CSMD1: variants seen among roughly 807,000 people sequenced by gnomAD.
The protein encoded by CSMD1 is CUB and Sushi multiple domains 1, also known as CUB and sushi domain-containing protein 1.
A neutral mutation model predicts 417.5 loss-of-function variants in CSMD1; 213 were observed. That is an observed-to-expected ratio of 0.51 (90% CI 0.46 to 0.57). The LOEUF is 0.57. Ranked by LOEUF, CSMD1 falls within the 20% of genes least tolerant of loss-of-function variation. CSMD1 has a pLI of 0.00. For missense variants in CSMD1, 6,923 were observed against 4,529.7 expected, an observed-to-expected ratio of 1.53 and a Z score of -15.17; for synonymous variants, 2,862 against 1,736.8, an observed-to-expected ratio of 1.65 and a Z score of -16.11.
intron 1 of CSMD1, among the ~76,000 whole-genome samples, chr8:4,773,201 G>A (rs1227020038): frequency 6.6e-6 from 1 of 151,984 alleles, no homozygotes; most frequent in African/African-American, 2.4e-5. Context: ...CCTTTCCTTT[G>A]AATGACATGT....
chr8:3,377,698 C>A (rs932528741), intron 18 of CSMD1, among the ~76,000 whole-genome samples: 1 of 152,106 alleles, frequency 6.6e-6, no homozygotes, highest in Non-Finnish European at 1.5e-5. Context: ...TGCTCATATC[C>A]TGGGATGCCT....
chr8:4,080,480 C>A (rs948187099), intron 3 of CSMD1, among the ~76,000 whole-genome samples: 2 of 152,184 alleles, frequency 1.3e-5, no homozygotes, highest in Admixed American at 1.3e-4. Flanking sequence ...ATTAAGCTCT[C>A]TGGGTTCCAA....
chr8:3,522,682 G>A (rs1021394374), intron 10 of CSMD1, among the ~76,000 whole-genome samples: 54 of 152,160 alleles, frequency 3.5e-4, no homozygotes, highest in African/African-American at 1.3e-3. Flanking sequence ...GTGAGGAGTA[G>A]ATCAGTCGTC....
At chr8:3,427,653 T>C (rs901227475) in intron 12 of CSMD1, among the ~76,000 whole-genome samples, 1 of 152,192 alleles carries the variant, frequency 6.6e-6, no homozygotes, top group Non-Finnish European at 1.5e-5. Context: ...AAAATAATGA[T>C]ATTTATTAAA....
chr8:4,615,572 A>G lies in CSMD1; in HGVS notation c.302+21770T>C, dbSNP rs190031328. ...GTGAGGGCCAATAGGTTTTCATACT[A>G]TGAGGATAAACACTTCATTCAAAGC... On this transcript the variant is annotated intron_variant, in intron 2 of 69. Coordinates refer to ENST00000635120, the MANE Select transcript of CSMD1 (RefSeq NM_033225.6). Among the ~76,000 whole-genome samples, 55 of 152,352 alleles carry G rather than the reference A, an allele frequency of 3.6e-4. 1 individual carries two copies. In the East Asian group the frequency reaches 9.8e-3, roughly 27 times the overall value.
intron 1 of CSMD1, among the ~76,000 whole-genome samples, chr8:4,784,982 A>G (rs1375991173): frequency 6.6e-6 from 1 of 152,202 alleles, no homozygotes; most frequent in Non-Finnish European, 1.5e-5. Flanking sequence ...ACTAAAATGG[A>G]AGTCCTCAAG....
chr8:4,034,420 T>G (rs1048522313), intron 3 of CSMD1, among the ~76,000 whole-genome samples: 2 of 152,230 alleles, frequency 1.3e-5, no homozygotes, highest in African/African-American at 4.8e-5. Context: ...AGTTCACTAT[T>G]GTCTGCAATC....
chr8:4,111,271 A>G (rs924310516), intron 3 of CSMD1, among the ~76,000 whole-genome samples: 5 of 152,186 alleles, frequency 3.3e-5, no homozygotes, highest in Non-Finnish European at 7.3e-5. Context: ...TGTTTTAGAT[A>G]TAGATCAGTG....
At chr8:4,335,328 T>G (rs535980514) in intron 3 of CSMD1, among the ~76,000 whole-genome samples, 1 of 152,254 alleles carries the variant, frequency 6.6e-6, no homozygotes, top group Non-Finnish European at 1.5e-5. Flanking sequence ...AACCTCGGAC[T>G]TTTGTGGGGA....
At chr8:4,330,999 G>C (rs933197650) in intron 3 of CSMD1, among the ~76,000 whole-genome samples, 11 of 152,070 alleles carry the variant, frequency 7.2e-5, no homozygotes, top group Non-Finnish European at 1.5e-4. Context: ...TTGTGTTACT[G>C]TGCCGTAAGT....
At chr8:3,996,201 A>T (rs1419260487) in intron 5 of CSMD1, among the ~76,000 whole-genome samples, 1 of 152,240 alleles carries the variant, frequency 6.6e-6, no homozygotes, top group Middle Eastern at 3.4e-3. Context: ...CTCTCTCCCA[A>T]CCTGACATCT....
rs138795744 is a variant in CSMD1, at chr8:4,208,331, G to C, written c.416-176232C>G. Among the ~76,000 whole-genome samples the C allele has an allele frequency of 1.1e-3, 167 of 152,244 alleles. 4 individuals carry two copies. The East Asian group carries it at 0.029, about 27-fold the overall frequency. On this transcript the variant is annotated intron_variant, in intron 3 of 69. Coordinates refer to ENST00000635120, the MANE Select transcript of CSMD1 (RefSeq NM_033225.6). ...TGGAGAAGAAATAAAAGCAAATCAGGTCTTATTTGAATCCTTCCTGGAGTA... is the reference window on the plus strand; with the variant it reads ...TGGAGAAGAAATAAAAGCAAATCAGCTCTTATTTGAATCCTTCCTGGAGTA...
intron 1 of CSMD1, among the ~76,000 whole-genome samples, chr8:4,898,516 C>G (rs938433126): frequency 4.6e-5 from 7 of 152,128 alleles, no homozygotes; most frequent in African/African-American, 1.7e-4. Flanking sequence ...TACAGAAGGA[C>G]AATAAAACAG....
chr8:3,435,549 T>G (rs1298846672), intron 12 of CSMD1, among the ~76,000 whole-genome samples: 3 of 152,144 alleles, frequency 2.0e-5, no homozygotes, highest in African/African-American at 7.2e-5. Flanking sequence ...TCCGCCTGCA[T>G]GGAGACTTCG....
intron 2 of CSMD1, among the ~76,000 whole-genome samples, chr8:4,602,737 A>G (rs1256711395): frequency 6.6e-6 from 1 of 152,164 alleles, no homozygotes; most frequent in East Asian, 1.9e-4. Context: ...ACCAGCATCT[A>G]CAGATAACTA....
chr8:3,587,011 G>A (rs1800631940), intron 8 of CSMD1, among the ~76,000 whole-genome samples: 1 of 152,114 alleles, frequency 6.6e-6, no homozygotes, highest in African/African-American at 2.4e-5. Flanking sequence ...TGTTCGCCAG[G>A]CTGGTCTTCA....
chr8:3,429,224 A>G (rs1021522445), intron 12 of CSMD1, among the ~76,000 whole-genome samples: 2 of 152,230 alleles, frequency 1.3e-5, no homozygotes, highest in African/African-American at 4.8e-5. Flanking sequence ...AACGTTGGAG[A>G]TGATGCAAAT....
chr8:4,138,464 A>G lies in CSMD1; in HGVS notation c.416-106365T>C, dbSNP rs538257583. 4.4e-4 allele frequency among the ~76,000 whole-genome samples: 67 copies of G among 152,170 alleles called. No homozygotes were observed. In the South Asian group the frequency reaches 5.6e-3, roughly 13 times the overall value. ...CAAAAAAACACAGAACGCAGGAGGA[A>G]ATGCCTACAAGTGCCTTCATTCCAT... On this transcript the variant is annotated intron_variant, in intron 3 of 69. Transcript: ENST00000635120.
chr8:3,676,520 T>C (rs1037811192), intron 7 of CSMD1, among the ~76,000 whole-genome samples: 2 of 152,230 alleles, frequency 1.3e-5, no homozygotes, highest in African/African-American at 4.8e-5. Context: ...CTCAGAAGCA[T>C]ATAGATCTTA....
Sources: allele counts gnomAD v4.1 joint callset (sites outside exome capture counted in the v4.1 genomes callset), GRCh38; gene constraint gnomAD v4.1.1; transcripts MANE v1.5; gene names NCBI Gene and HGNC (gene_info 2026-07-23, HGNC 2026-07-21).